AFF1: variants seen among roughly 807,000 people sequenced by gnomAD.
AFF1 encodes ALF transcription elongation factor 1.
In AFF1, 48 loss-of-function variants were observed where a neutral mutation model predicts 121.7. That is an observed-to-expected ratio of 0.39 (90% CI 0.31 to 0.50). AFF1 has a LOEUF of 0.50. Ranked by LOEUF, AFF1 falls within the 20% of genes least tolerant of loss-of-function variation. The pLI is 0.76. For synonymous variants in AFF1, 613 were observed against 563.0 expected, an observed-to-expected ratio of 1.09 and a Z score of -1.26; for missense variants, 1,523 against 1,511.7, an observed-to-expected ratio of 1.01 and a Z score of -0.12.
At chr4:86,939,239 T>G (rs1312161469) in intron 1 of AFF1, among the ~76,000 whole-genome samples, 1 of 152,104 alleles carries the variant, frequency 6.6e-6, no homozygotes, top group African/African-American at 2.4e-5. Context: ...TTGGAATTCA[T>G]TTTCCATTTT....
chr4:86,997,995 G>A lies in AFF1; in HGVS notation c.39-48171G>A, dbSNP rs527885050. ...TGCCTGTAATCACAGCTACTTGGGA[G>A]GCTAAGGCAGGAGAATCGCTTGAAC... On this transcript the variant is annotated intron_variant, in intron 2 of 20. Coordinates refer to ENST00000395146, the MANE Select transcript of AFF1 (RefSeq NM_001166693.3). 2.6e-4 allele frequency among the ~76,000 whole-genome samples: 40 copies of A among 151,292 alleles called. 1 individual carries two copies. In the South Asian group the frequency reaches 8.3e-3, roughly 32 times the overall value.
chr4:86,953,296 T>C (rs1431057019), intron 2 of AFF1, among the ~76,000 whole-genome samples: 1 of 152,208 alleles, frequency 6.6e-6, no homozygotes, highest in Non-Finnish European at 1.5e-5. Context: ...AAATGTTTAA[T>C]CATGATAGGT....
At chr4:86,963,041 C>G (rs1722259752) in intron 2 of AFF1, among the ~76,000 whole-genome samples, 1 of 151,812 alleles carries the variant, frequency 6.6e-6, no homozygotes, top group African/African-American at 2.4e-5. Context: ...TGGCATGCAC[C>G]TGTAATCCCA....
At chr4:87,016,505 T>C (rs1361388460) in intron 2 of AFF1, among the ~76,000 whole-genome samples, 1 of 151,274 alleles carries the variant, frequency 6.6e-6, no homozygotes, top group African/African-American at 2.4e-5. Context: ...TGAGCGGAGA[T>C]TGCGCCACTG....
At chr4:87,028,872 T>C (rs1728793185) in intron 2 of AFF1, among the ~76,000 whole-genome samples, 1 of 152,214 alleles carries the variant, frequency 6.6e-6, no homozygotes, top group Admixed American at 6.5e-5. Context: ...GTTATGCTTT[T>C]GAAGTTGTGG....
At chr4:87,101,419 C>G (rs569345081) in intron 8 of AFF1, among the ~76,000 whole-genome samples, 1 of 152,212 alleles carries the variant, frequency 6.6e-6, no homozygotes, top group Non-Finnish European at 1.5e-5. Context: ...CAAAAGATTT[C>G]TTTAAAAAAT....
chr4:87,018,422 A>T (rs1029867374), intron 2 of AFF1, among the ~76,000 whole-genome samples: 1 of 152,230 alleles, frequency 6.6e-6, no homozygotes, highest in Non-Finnish European at 1.5e-5. Context: ...ACCTCTGAGG[A>T]GGGTTACCTG....
intron 4 of AFF1, among the ~76,000 whole-genome samples, chr4:87,067,478 G>T (rs1026209794): frequency 6.6e-6 from 1 of 152,238 alleles, no homozygotes; most frequent in African/African-American, 2.4e-5. Flanking sequence ...AGTGGTGAGT[G>T]ATGGACTACA....
chr4:87,039,428 G>A lies in AFF1; in HGVS notation c.39-6738G>A, dbSNP rs142629096. 9.1e-3 allele frequency among the ~76,000 whole-genome samples: 1,393 copies of A among 152,324 alleles called. 21 individuals are homozygous for A. Among genetic ancestry groups the A allele is most frequent in the African/African-American group, 0.032 (1,337 of 41,572 alleles). On this transcript the variant is annotated intron_variant, in intron 2 of 20. Transcript: ENST00000395146. ...TTTCACCACCTTTCTGAAAGTGAGA[G>A]CATTCTGGCACGTTTTAGCTTTCCA...
At chr4:86,982,707 G>C in intron 2 of AFF1, among the ~76,000 whole-genome samples, 1 of 151,592 alleles carries the variant, frequency 6.6e-6, no homozygotes, top group East Asian at 1.9e-4. Context: ...AATTATTCAG[G>C]CGTGGTGGCA....
intron 10 of AFF1, among the ~76,000 whole-genome samples, chr4:87,107,546 A>G (rs1043020163): frequency 2.6e-5 from 4 of 152,206 alleles, no homozygotes; most frequent in Admixed American, 1.3e-4. Context: ...TCACCTTGCA[A>G]AGGAACACCA....
chr4:87,095,997 A>G (rs1027917700), intron 8 of AFF1, among the ~76,000 whole-genome samples: 2 of 152,146 alleles, frequency 1.3e-5, no homozygotes, highest in African/African-American at 2.4e-5. Flanking sequence ...GGGGATTGCT[A>G]TGGATTATTT....
At chr4:87,014,845 A>G (rs1490932881) in intron 2 of AFF1, among the ~76,000 whole-genome samples, 3 of 152,210 alleles carry the variant, frequency 2.0e-5, no homozygotes, top group Non-Finnish European at 2.9e-5. Flanking sequence ...ACTTGAATTT[A>G]TGGAAAGTGG....
intron 2 of AFF1, 69 bp from the exon 3 acceptor site, chr4:87,046,093 TGTAA>T: frequency 6.3e-7 from 1 of 1,576,160 alleles, no homozygotes. Flanking sequence ...CCTTCTCACA[TGTAA>T]GTATGCCTGA....
chr4:87,066,842 C>G (rs1329636719), intron 4 of AFF1, among the ~76,000 whole-genome samples: 1 of 152,182 alleles, frequency 6.6e-6, no homozygotes, highest in Non-Finnish European at 1.5e-5. Flanking sequence ...TCATCCTCAT[C>G]CCCTAGAGCC....
At chr4:87,058,041 C>T (rs1244989557) in intron 4 of AFF1, among the ~76,000 whole-genome samples, 1 of 152,102 alleles carries the variant, frequency 6.6e-6, no homozygotes, top group African/African-American at 2.4e-5. Context: ...CTTGTAGTGC[C>T]CTTTCCCCTT....
intron 4 of AFF1, among the ~76,000 whole-genome samples, chr4:87,080,729 C>G (rs1351142916): frequency 6.6e-6 from 1 of 152,166 alleles, no homozygotes; most frequent in Non-Finnish European, 1.5e-5. Context: ...AACCTCCTTC[C>G]AGTGGCATGC....
intron 1 of AFF1, 141 bp from the exon 2 acceptor site, chr4:86,948,357 A>G (rs1460695450): frequency 1.8e-6 from 1 of 560,106 alleles, no homozygotes; most frequent in Non-Finnish European, 3.1e-6. Flanking sequence ...TTGTTCATAC[A>G]ACTTGGGAAT....
chr4:87,033,467 C>G (rs111623820), intron 2 of AFF1, among the ~76,000 whole-genome samples: 1 of 152,294 alleles, frequency 6.6e-6, no homozygotes, highest in Non-Finnish European at 1.5e-5. Flanking sequence ...AATGGTAAAT[C>G]CTGTCCTGTG....
Sources: gnomAD v4.1 joint callset for allele counts (sites outside exome capture counted in the v4.1 genomes callset) on GRCh38, gnomAD v4.1.1 for gene constraint, MANE v1.5 for transcripts, NCBI Gene and HGNC (gene_info 2026-07-23, HGNC 2026-07-21) for gene names.